LDLRAD3: variants seen among roughly 807,000 people sequenced by gnomAD.
LDLRAD3 encodes low-density lipoprotein receptor class A domain-containing protein 3.
In LDLRAD3, 20 loss-of-function variants were observed where a neutral mutation model predicts 29.4. The observed-to-expected ratio is 0.68, with a 90% CI of 0.48 to 0.99. The LOEUF (loss-of-function observed/expected upper bound fraction) is 0.99. Among genes scored for constraint, LDLRAD3 ranks in the 50% least tolerant of loss-of-function variants. The pLI, the probability that LDLRAD3 is intolerant of heterozygous loss-of-function variation, is 0.00. For missense variants in LDLRAD3, 420 were observed against 454.3 expected, an observed-to-expected ratio of 0.92 and a Z score of 0.69; for synonymous variants, 157 against 192.7, an observed-to-expected ratio of 0.81 and a Z score of 1.53.
At chr11:35,961,360 A>G (rs1452366775) in intron 1 of LDLRAD3, among the ~76,000 whole-genome samples, 1 of 152,228 alleles carries the variant, frequency 6.6e-6, no homozygotes. Context: ...CTCTTGAACC[A>G]AACAGTCTGA....
At chr11:36,197,483 TC>T (rs1442101891) in intron 4 of LDLRAD3, 1 of 152,192 alleles carries the variant, frequency 6.6e-6, no homozygotes, top group Middle Eastern at 3.1e-3. Flanking sequence ...TGCTGTGGTT[TC>T]CCCTTCAGGA....
chr11:35,948,910 GC>G (rs1441355542), intron 1 of LDLRAD3, among the ~76,000 whole-genome samples: 2 of 152,178 alleles, frequency 1.3e-5, no homozygotes, highest in African/African-American at 4.8e-5. Flanking sequence ...AGCGGTGACA[GC>G]CACAAATGCC....
rs527711125 is a variant in LDLRAD3 at position 36,030,589 on chromosome 11, T to C, written c.47-5514T>C. Among the ~76,000 whole-genome samples, 8 of 152,312 alleles carry C rather than the reference T, an allele frequency of 5.3e-5. No individual in the cohort carries two copies. In the South Asian group the frequency reaches 1.5e-3, roughly 28 times the overall value. On this transcript the variant is annotated intron_variant, in intron 1 of 5. Transcript: ENST00000315571. Reference sequence around the variant, plus strand: ...GGTGGTTAATTCTCTGGGGAGGTTCTAGACAAGATCCGTTTGAGATCTGCA... The same window carrying C: ...GGTGGTTAATTCTCTGGGGAGGTTCCAGACAAGATCCGTTTGAGATCTGCA...
chr11:36,037,418 C>T (rs537185425), intron 2 of LDLRAD3, among the ~76,000 whole-genome samples: 16 of 152,190 alleles, frequency 1.1e-4, no homozygotes, highest in African/African-American at 2.9e-4. Flanking sequence ...CGGGTTCAAG[C>T]GATTCTCCTG....
chr11:36,222,895 C>A (rs1279631475), intron 4 of LDLRAD3, among the ~76,000 whole-genome samples: 1 of 152,094 alleles, frequency 6.6e-6, no homozygotes, highest in Non-Finnish European at 1.5e-5. Flanking sequence ...TAGGTAGTGA[C>A]CAGATTGCCT....
intron 1 of LDLRAD3, among the ~76,000 whole-genome samples, chr11:35,984,905 C>T (rs1851589374): frequency 6.6e-6 from 1 of 151,172 alleles, no homozygotes. Flanking sequence ...ACTGGGATTA[C>T]AGGCGTGAGC....
At chr11:35,953,563 G>A (rs1238470595) in intron 1 of LDLRAD3, among the ~76,000 whole-genome samples, 2 of 152,102 alleles carry the variant, frequency 1.3e-5, no homozygotes, top group South Asian at 2.1e-4. Flanking sequence ...TTCAGCTTTA[G>A]CCTTGAATCA....
At chr11:36,098,239 G>A (rs187597067) in intron 3 of LDLRAD3, 88 bp from the exon 4 acceptor site, 120 of 1,496,538 alleles carry the variant, frequency 8.0e-5, no homozygotes, top group African/African-American at 6.5e-4. Flanking sequence ...CTTCCTGAGC[G>A]GGACACACGC....
chr11:36,196,507 A>G (rs775200915), intron 4 of LDLRAD3: 26 of 152,348 alleles, frequency 1.7e-4, no homozygotes, highest in Admixed American at 9.2e-4. Context: ...TCCTGAAACA[A>G]TAAGCTATAA....
intron 4 of LDLRAD3, among the ~76,000 whole-genome samples, chr11:36,222,458 C>T (rs1272296185): frequency 6.6e-6 from 1 of 152,136 alleles, no homozygotes; most frequent in Non-Finnish European, 1.5e-5. Flanking sequence ...TTGGTACTGA[C>T]TTACCCTCCC....
chr11:36,033,850 A>G (rs548108107), intron 1 of LDLRAD3, among the ~76,000 whole-genome samples: 5 of 152,080 alleles, frequency 3.3e-5, no homozygotes, highest in Admixed American at 6.5e-5. Context: ...AGGGAGTCTC[A>G]TATTGATTCT....
intron 4 of LDLRAD3, among the ~76,000 whole-genome samples, chr11:36,114,564 C>T (rs1250996464): frequency 6.6e-6 from 1 of 152,198 alleles, no homozygotes; most frequent in African/African-American, 2.4e-5. Flanking sequence ...CCATAGAGGT[C>T]AGTTGGCCTC....
chr11:36,047,544 T>C (rs1314268689), intron 2 of LDLRAD3, among the ~76,000 whole-genome samples: 3 of 152,240 alleles, frequency 2.0e-5, no homozygotes, highest in Non-Finnish European at 4.4e-5. Context: ...TTTTCTCTGA[T>C]TGTTAGCATA....
intron 1 of LDLRAD3, among the ~76,000 whole-genome samples, chr11:36,032,880 C>G (rs1375955171): frequency 6.6e-6 from 1 of 151,392 alleles, no homozygotes; most frequent in East Asian, 1.9e-4. Flanking sequence ...TCTCCTCATG[C>G]CTTTTTTTTT....
intron 3 of LDLRAD3, among the ~76,000 whole-genome samples, chr11:36,082,587 G>A (rs1306922941): frequency 2.6e-5 from 4 of 151,974 alleles, no homozygotes; most frequent in Non-Finnish European, 5.9e-5. Context: ...TAGCATAGAT[G>A]AAGTTAATGT....
At chr11:36,186,956 G>A (rs981646905) in intron 4 of LDLRAD3, among the ~76,000 whole-genome samples, 2 of 152,152 alleles carry the variant, frequency 1.3e-5, no homozygotes, top group African/African-American at 4.8e-5. Context: ...GCATAAATGT[G>A]CAGGTGGTTG....
At chr11:36,210,905 T>G (rs1855276387) in intron 4 of LDLRAD3, among the ~76,000 whole-genome samples, 1 of 152,200 alleles carries the variant, frequency 6.6e-6, no homozygotes, top group Non-Finnish European at 1.5e-5. Flanking sequence ...GAGAGGGGTG[T>G]GCTTGATTTC....
At chr11:36,064,677 C>T (rs1852763101) in intron 2 of LDLRAD3, among the ~76,000 whole-genome samples, 1 of 152,014 alleles carries the variant, frequency 6.6e-6, no homozygotes, top group Non-Finnish European at 1.5e-5. Context: ...CTAATGTAGG[C>T]ATTTACAGCT....
At chr11:35,997,425 G>T in intron 1 of LDLRAD3, 1 of 411,066 alleles carries the variant, frequency 2.4e-6, no homozygotes, top group Admixed American at 2.8e-5. Flanking sequence ...GGTTCCTTGA[G>T]GGCTTTGCAG....
Sources: allele counts gnomAD v4.1 joint callset (sites outside exome capture counted in the v4.1 genomes callset), GRCh38; gene constraint gnomAD v4.1.1; transcripts MANE v1.5; gene names NCBI Gene and HGNC (gene_info 2026-07-23, HGNC 2026-07-21).